PCBP3: variants seen among roughly 807,000 people sequenced by gnomAD.
PCBP3 encodes poly(rC) binding protein 3.
A neutral mutation model predicts 52.7 loss-of-function variants in PCBP3; 25 were observed. That is an observed-to-expected ratio of 0.47 (90% CI 0.35 to 0.66). PCBP3 has a LOEUF of 0.66. PCBP3 is among the 30% of genes least tolerant of loss of function. The pLI is 0.01. For missense variants in PCBP3, 391 were observed against 490.3 expected (o/e 0.80, Z 1.91); for synonymous variants, 162 against 183.0 (o/e 0.89, Z 0.93).
At chr21:45,825,491 C>G (rs556635612) in intron 4 of PCBP3, among the ~76,000 whole-genome samples, 134 of 152,308 alleles carry the variant, frequency 8.8e-4, no homozygotes, top group African/African-American at 3.2e-3. Context: ...TGTCCCTCAA[C>G]CCATGGCTGG....
At chr21:45,710,234 T>C (rs557935445) in intron 2 of PCBP3, among the ~76,000 whole-genome samples, 1 of 152,214 alleles carries the variant, frequency 6.6e-6, no homozygotes, top group Non-Finnish European at 1.5e-5. Context: ...ACATGTGCCA[T>C]GTTGGTGTGC....
chr21:45,785,349 G>GC (rs1356288166), intron 4 of PCBP3, among the ~76,000 whole-genome samples: 1 of 147,406 alleles, frequency 6.8e-6, no homozygotes, highest in South Asian at 2.2e-4. Context: ...GGGGGGGTCA[G>GC]CCCCCCGCCC....
chr21:45,835,034 C>T (rs1013064734), intron 4 of PCBP3, among the ~76,000 whole-genome samples: 3 of 152,232 alleles, frequency 2.0e-5, no homozygotes, highest in Admixed American at 6.5e-5. Flanking sequence ...GGTTCGCGAA[C>T]GCCGCAGCAG....
intron 2 of PCBP3, among the ~76,000 whole-genome samples, chr21:45,675,955 T>A (rs1323142629): frequency 1.3e-5 from 2 of 152,222 alleles, no homozygotes; most frequent in Non-Finnish European, 2.9e-5. Context: ...ATTAATTTTA[T>A]TAAATTTTGA....
intron 4 of PCBP3, among the ~76,000 whole-genome samples, chr21:45,781,946 G>A (rs1272347192): frequency 1.3e-5 from 2 of 152,082 alleles, no homozygotes; most frequent in African/African-American, 4.8e-5. Flanking sequence ...ATATACTTAC[G>A]ATTTTTGGTC....
At position 45,741,356 on chromosome 21, in the gene PCBP3, G is replaced by GT. The variant is rs2086437072; in HGVS notation, c.-162+5928dup. Among the ~76,000 whole-genome samples the GT allele has an allele frequency of 6.6e-6, 1 of 152,178 alleles. No homozygotes were observed. The highest frequency in any genetic ancestry group is 1.9e-4 in the East Asian group (1 of 5,198). On this transcript the variant is annotated intron_variant, in intron 3 of 17. Transcript: ENST00000681687. This position sits in a 1 kb window ranked among gnomAD's most constrained non-coding sequence, Gnocchi z 4.5. ...TGCAAGAAGGGAGCTGCAGCATCAGGTGTGGGTACCAGGTGCACAGCCAGC... is the reference window on the plus strand; with the variant it reads ...TGCAAGAAGGGAGCTGCAGCATCAGGTTGTGGGTACCAGGTGCACAGCCAGC...
chr21:45,687,082 A>G (rs1033957508), intron 2 of PCBP3, among the ~76,000 whole-genome samples: 3 of 152,174 alleles, frequency 2.0e-5, no homozygotes, highest in Admixed American at 6.5e-5. Context: ...TGAGGCCCCA[A>G]AGTGTAGGAG....
At chr21:45,796,525 A>G (rs977752416) in intron 4 of PCBP3, among the ~76,000 whole-genome samples, 2 of 151,538 alleles carry the variant, frequency 1.3e-5, no homozygotes, top group African/African-American at 4.8e-5. Context: ...TAAAGTTTCC[A>G]TTTTTTGTCT....
chr21:45,899,297 T>C (rs907440153), intron 6 of PCBP3, among the ~76,000 whole-genome samples: 4 of 152,214 alleles, frequency 2.6e-5, no homozygotes, highest in African/African-American at 9.6e-5. Context: ...TGATGCCCCC[T>C]GAGTTATTTA....
intron 4 of PCBP3, among the ~76,000 whole-genome samples, chr21:45,782,331 A>G (rs1009847390): frequency 6.6e-6 from 1 of 152,232 alleles, no homozygotes; most frequent in Non-Finnish European, 1.5e-5. Flanking sequence ...AAGATGGAGA[A>G]TTTCAAGTGG....
At chr21:45,856,344 T>C (rs948438719) in intron 5 of PCBP3, among the ~76,000 whole-genome samples, 1 of 152,228 alleles carries the variant, frequency 6.6e-6, no homozygotes, top group African/African-American at 2.4e-5. Context: ...CTTCAGATAG[T>C]AACTTAACTC....
chr21:45,863,204 G>A (rs2094573701), intron 5 of PCBP3, among the ~76,000 whole-genome samples: 1 of 152,202 alleles, frequency 6.6e-6, no homozygotes, highest in Admixed American at 6.5e-5. Context: ...TCCTGGTGAG[G>A]AATAGCCTCA....
At chr21:45,722,969 G>T (rs546717620) in intron 2 of PCBP3, among the ~76,000 whole-genome samples, 6 of 150,962 alleles carry the variant, frequency 4.0e-5, no homozygotes, top group South Asian at 4.2e-4. Flanking sequence ...AGCTGATAGC[G>T]CACCACTGCA....
rs974672176 is a variant in PCBP3 at position 45,736,999 on chromosome 21, C to A, written c.-162+1570C>A. Among the ~76,000 whole-genome samples the A allele has an allele frequency of 1.3e-5, 2 of 151,994 alleles. No homozygotes were observed. The highest frequency in any genetic ancestry group is 2.4e-5 in the African/African-American group (1 of 41,376). On this transcript the variant is annotated intron_variant, in intron 3 of 17. Coordinates refer to ENST00000681687, the MANE Select transcript of PCBP3 (RefSeq NM_001384156.1). This position sits in a 1 kb window ranked among gnomAD's most constrained non-coding sequence, Gnocchi z 4.6. ...GTCTTGCTGGAGGTGCACGTGTGAG[C>A]CCCTTGGTGCAGGAGGTGAGGAGCT...
At chr21:45,882,894 A>G (rs1193721862) in intron 5 of PCBP3, among the ~76,000 whole-genome samples, 1 of 152,168 alleles carries the variant, frequency 6.6e-6, no homozygotes, top group Non-Finnish European at 1.5e-5. Flanking sequence ...TCGTTCTTAC[A>G]CCAGCGCCAA....
chr21:45,884,266 G>T (rs1315077325), intron 5 of PCBP3, among the ~76,000 whole-genome samples: 2 of 151,980 alleles, frequency 1.3e-5, no homozygotes, highest in African/African-American at 4.8e-5. Context: ...TTTGTTTTTT[G>T]TTTCTCTGGT....
intron 1 of PCBP3, among the ~76,000 whole-genome samples, chr21:45,662,015 T>A (rs1338585896): frequency 6.6e-6 from 1 of 152,182 alleles, no homozygotes; most frequent in East Asian, 1.9e-4. Context: ...TTTGAGTTTC[T>A]TGTAGATCCT....
chr21:45,711,223 A>G (rs986696853), intron 2 of PCBP3, among the ~76,000 whole-genome samples: 1 of 152,198 alleles, frequency 6.6e-6, no homozygotes, highest in Non-Finnish European at 1.5e-5. Context: ...CTGACAGAGC[A>G]AAGGAGATAT....
chr21:45,684,797 G>A lies in PCBP3; in HGVS notation c.-200+15845G>A, dbSNP rs117647951. ...GTCTCAGATATTCCTTTATAGCAACGCAAAACAGACTAACACAGTGCTCAT... is the reference window on the plus strand; with the variant it reads ...GTCTCAGATATTCCTTTATAGCAACACAAAACAGACTAACACAGTGCTCAT... On this transcript the variant is annotated intron_variant, in intron 2 of 17. Transcript: ENST00000681687. Among the ~76,000 whole-genome samples, 134 of 152,244 alleles carry A rather than the reference G, an allele frequency of 8.8e-4. No individual in the cohort carries two copies. The East Asian group carries it at 0.022, about 25-fold the overall frequency.
Sources: allele counts gnomAD v4.1 joint callset (sites outside exome capture counted in the v4.1 genomes callset), GRCh38; gene constraint gnomAD v4.1.1; non-coding constraint Gnocchi (gnomAD v3.1); transcripts MANE v1.5; gene names NCBI Gene and HGNC (gene_info 2026-07-23, HGNC 2026-07-21).